Variants in ZNF704 observed in about 807,000 individuals in gnomAD.
ZNF704 encodes glucocorticoid induced gene 1.
Under a neutral mutation model 44.7 loss-of-function variants are expected in ZNF704, and 10 were observed. That is an observed-to-expected ratio of 0.22 (90% CI 0.14 to 0.38). The LOEUF (loss-of-function observed/expected upper bound fraction) is 0.38, where lower values mean the gene tolerates loss of function less well. ZNF704 is among the 10% of genes least tolerant of loss of function. The probability of loss-of-function intolerance (pLI) is 1.00; values close to 1 mark genes in which losing one functional copy is unlikely to be tolerated. For missense variants in ZNF704, 390 were observed against 545.5 expected, an observed-to-expected ratio of 0.71 and a Z score of 2.84; for synonymous variants, 211 against 207.6, an observed-to-expected ratio of 1.02 and a Z score of -0.14.
chr8:80,690,319 A>G (rs552102492), intron 3 of ZNF704, among the ~76,000 whole-genome samples: 2 of 152,362 alleles, frequency 1.3e-5, no homozygotes, highest in East Asian at 3.9e-4. Context: ...AATGAAGCCA[A>G]TGGTAAAAAT....
Position 80,637,769 on chromosome 8 carries a change from C to T in ZNF704, c.*3597G>A, listed in dbSNP as rs1817685105. 1 of 152,276 alleles carries T rather than the reference C, an allele frequency of 6.6e-6. No individual in the cohort carries two copies. The highest frequency in any genetic ancestry group is 1.5e-5 in the Non-Finnish European group (1 of 68,054). The allele number at this position is 152,276 out of a possible 1,614,324, so 9.4% of individuals were successfully genotyped here. ...CAGGCACTTTGCAGCTAAGCGCACA[C>T]ATTCTTGGTCAGAAACCCACAGCTT... On this transcript the variant is annotated 3_prime_UTR_variant, in exon 9 of 9. Coordinates refer to ENST00000327835, the MANE Select transcript of ZNF704 (RefSeq NM_001033723.3).
intron 2 of ZNF704, among the ~76,000 whole-genome samples, chr8:80,734,874 G>A (rs1240579415): frequency 6.6e-6 from 1 of 152,230 alleles, no homozygotes. Flanking sequence ...CCCTTAAAAG[G>A]AGAGTATGCT....
chr8:80,754,533 C>A (rs1807003151), intron 2 of ZNF704, among the ~76,000 whole-genome samples: 1 of 152,214 alleles, frequency 6.6e-6, no homozygotes, highest in Non-Finnish European at 1.5e-5. Flanking sequence ...ATGAACACTT[C>A]TGAAAGCCCA....
At chr8:80,679,627 A>G (rs903278712) in intron 4 of ZNF704, among the ~76,000 whole-genome samples, 1 of 152,298 alleles carries the variant, frequency 6.6e-6, no homozygotes. Context: ...CAGAACACCA[A>G]CGTCAGCAAA....
chr8:80,794,371 G>A (rs1472632523), intron 2 of ZNF704, among the ~76,000 whole-genome samples: 2 of 152,106 alleles, frequency 1.3e-5, no homozygotes, highest in Non-Finnish European at 2.9e-5. Flanking sequence ...TATCAATGAT[G>A]TAAAAAGAGC....
At chr8:80,718,360 C>G (rs1819107379) in intron 2 of ZNF704, among the ~76,000 whole-genome samples, 1 of 149,804 alleles carries the variant, frequency 6.7e-6, no homozygotes, top group Non-Finnish European at 1.5e-5. Context: ...TCATTCTTCT[C>G]TGTTTCTCAC....
At chr8:80,679,855 G>T (rs1156774307) in intron 4 of ZNF704, among the ~76,000 whole-genome samples, 1 of 152,208 alleles carries the variant, frequency 6.6e-6, no homozygotes, top group African/African-American at 2.4e-5. Flanking sequence ...ATGCATAGCA[G>T]CTTCCAGACA....
chr8:80,814,885 T>C (rs1808150636), intron 2 of ZNF704, among the ~76,000 whole-genome samples: 1 of 152,180 alleles, frequency 6.6e-6, no homozygotes, highest in Non-Finnish European at 1.5e-5. Context: ...ACCATTTTTG[T>C]CTTATCTCAC....
intron 2 of ZNF704, among the ~76,000 whole-genome samples, chr8:80,797,282 C>A (rs1420988165): frequency 6.6e-6 from 1 of 152,132 alleles, no homozygotes; most frequent in Non-Finnish European, 1.5e-5. Context: ...CTCACAGCTC[C>A]ACTAGGCAAT....
chr8:80,697,380 TAGTAA>T (rs1214180006), intron 2 of ZNF704, among the ~76,000 whole-genome samples: 1 of 152,242 alleles, frequency 6.6e-6, no homozygotes, highest in Non-Finnish European at 1.5e-5. Flanking sequence ...CAGCTGTTTT[TAGTAA>T]AGTCTCATTT....
At chr8:80,700,589 A>G (rs1425728594) in intron 2 of ZNF704, among the ~76,000 whole-genome samples, 1 of 152,204 alleles carries the variant, frequency 6.6e-6, no homozygotes, top group Non-Finnish European at 1.5e-5. Context: ...CTACCTATTT[A>G]AGTATTTATA....
chr8:80,854,580 T>C (rs1422949391), intron 1 of ZNF704, among the ~76,000 whole-genome samples: 1 of 152,230 alleles, frequency 6.6e-6, no homozygotes, highest in African/African-American at 2.4e-5. Context: ...TTTCTCTTTA[T>C]ATAAACTAAA....
chr8:80,830,733 T>C (rs1253041238), intron 1 of ZNF704, among the ~76,000 whole-genome samples: 1 of 148,804 alleles, frequency 6.7e-6, no homozygotes, highest in Non-Finnish European at 1.5e-5. Flanking sequence ...TAACTATTGA[T>C]ATAGAGGGTG....
chr8:80,881,635 T>G, the ZNF704 span, among the ~76,000 whole-genome samples: 1 of 152,062 alleles, frequency 6.6e-6, no homozygotes, highest in Non-Finnish European at 1.5e-5. Flanking sequence ...TTTGCCTTGT[T>G]AAAAAGAATA....
chr8:80,761,316 A>G (rs1323797794), intron 2 of ZNF704, among the ~76,000 whole-genome samples: 2 of 152,230 alleles, frequency 1.3e-5, no homozygotes, highest in Non-Finnish European at 2.9e-5. Flanking sequence ...GTTATAGAGC[A>G]GGAAAGAACT....
At chr8:80,756,646 T>C (rs917307287) in intron 2 of ZNF704, among the ~76,000 whole-genome samples, 1 of 152,238 alleles carries the variant, frequency 6.6e-6, no homozygotes, top group African/African-American at 2.4e-5. Flanking sequence ...TTATTAATGG[T>C]AGACCACAAT....
chr8:80,736,690 CAG>C (rs1232980286), intron 2 of ZNF704, among the ~76,000 whole-genome samples: 1 of 152,016 alleles, frequency 6.6e-6, no homozygotes, highest in Non-Finnish European at 1.5e-5. Flanking sequence ...TTTGGGGACT[CAG>C]GGGAAATAGT....
intron 2 of ZNF704, among the ~76,000 whole-genome samples, chr8:80,716,736 T>C (rs1381065104): frequency 6.6e-6 from 1 of 152,238 alleles, no homozygotes; most frequent in Non-Finnish European, 1.5e-5. Context: ...GTTCTCTATC[T>C]TTGGGATTGC....
chr8:80,785,466 G>A (rs1351594905), intron 2 of ZNF704, among the ~76,000 whole-genome samples: 1 of 152,144 alleles, frequency 6.6e-6, no homozygotes, highest in African/African-American at 2.4e-5. Context: ...TGGGAGTATC[G>A]ACAAAAGTTA....
Sources: allele counts gnomAD v4.1 joint callset (sites outside exome capture counted in the v4.1 genomes callset), GRCh38; gene constraint gnomAD v4.1.1; transcripts MANE v1.5; gene names NCBI Gene and HGNC (gene_info 2026-07-23, HGNC 2026-07-21).